Variants in ZFYVE9 observed in about 807,000 individuals in gnomAD.
ZFYVE9 encodes zinc finger FYVE domain-containing protein 9.
In ZFYVE9, 43 loss-of-function variants were observed where a neutral mutation model predicts 126.7. The ratio of observed to expected loss-of-function variants is 0.34; its 90% CI spans 0.27 to 0.44. The LOEUF is 0.44. Ranked by LOEUF, ZFYVE9 falls within the 20% of genes least tolerant of loss-of-function variation. The pLI is 1.00. For missense variants in ZFYVE9, 1,476 were observed against 1,697.0 expected (o/e 0.87, Z 2.29); for synonymous variants, 521 against 597.4 (o/e 0.87, Z 1.87).
intron 10 of ZFYVE9, 58 bp from the exon 11 acceptor site, chr1:52,293,395 A>AAAAAG (rs1645943000): frequency 2.0e-5 from 27 of 1,318,884 alleles, no homozygotes; most frequent in African/African-American, 1.1e-4. Context: ...AAAAAAAAAA[A>AAAAAG]AAAGAAATAT....
Position 52,232,056 on chromosome 1 carries a change from C to T in ZFYVE9, c.-36-1115C>T, listed in dbSNP as rs12044017. On this transcript the variant is annotated intron_variant, in intron 2 of 18. Transcript: ENST00000287727. ...CTACCTTAGTAAGTCAAAGAAATTT[C>T]ATCACTTATTATATTTGACTTAAAG... 9.2e-3 allele frequency among the ~76,000 whole-genome samples: 1,403 copies of T among 152,234 alleles called. 63 individuals carry two copies. The East Asian group carries it at 0.12, about 13-fold the overall frequency.
chr1:52,196,497 T>C (rs1157215668), intron 1 of ZFYVE9, among the ~76,000 whole-genome samples: 5 of 151,676 alleles, frequency 3.3e-5, no homozygotes, highest in Non-Finnish European at 7.4e-5. Flanking sequence ...ATTAGCCAGG[T>C]GTGGTGGTGG....
intron 1 of ZFYVE9, among the ~76,000 whole-genome samples, chr1:52,212,952 A>T (rs531590816): frequency 1.1e-4 from 16 of 152,328 alleles, no homozygotes; most frequent in African/African-American, 3.6e-4. Flanking sequence ...TTTTCCTCTC[A>T]TGTATCTTGA....
At chr1:52,199,225 C>T (rs1053389657) in intron 1 of ZFYVE9, among the ~76,000 whole-genome samples, 9 of 152,178 alleles carry the variant, frequency 5.9e-5, no homozygotes, top group East Asian at 3.9e-4. Context: ...CCACTACGCC[C>T]GGCTAATTTT....
At chr1:52,188,057 C>A (rs977308354) in intron 1 of ZFYVE9, among the ~76,000 whole-genome samples, 1 of 152,158 alleles carries the variant, frequency 6.6e-6, no homozygotes, top group Non-Finnish European at 1.5e-5. Flanking sequence ...TTCACAATAG[C>A]AAAGACATGG....
chr1:52,149,104 C>CA (rs1290306877), intron 1 of ZFYVE9, among the ~76,000 whole-genome samples: 2 of 151,488 alleles, frequency 1.3e-5, no homozygotes, highest in Non-Finnish European at 2.9e-5. Context: ...GCTGTTACTA[C>CA]AGGCGCCTGT....
At chr1:52,171,844 GTTGT>G (rs1477322468) in intron 1 of ZFYVE9, among the ~76,000 whole-genome samples, 12 of 152,118 alleles carry the variant, frequency 7.9e-5, no homozygotes, top group South Asian at 2.1e-4. Flanking sequence ...TTTTGATGGG[GTTGT>G]TTGTTTTTTT....
chr1:52,200,965 C>T (rs1175132957), intron 1 of ZFYVE9, among the ~76,000 whole-genome samples: 1 of 152,128 alleles, frequency 6.6e-6, no homozygotes, highest in Non-Finnish European at 1.5e-5. Flanking sequence ...GTTGGTTATT[C>T]TGGGTCTTTC....
chr1:52,312,023 T>G (rs1646141714), intron 13 of ZFYVE9, among the ~76,000 whole-genome samples: 1 of 152,156 alleles, frequency 6.6e-6, no homozygotes, highest in Non-Finnish European at 1.5e-5. Context: ...ACTCCTGACC[T>G]TAGGTGATCT....
rs1355342372 is a variant in ZFYVE9, at chr1:52,237,598, G to A, written c.181G>A (p.Val61Ile). The change falls in exon 4 of 19, where the codon GTT becomes ATT. Residue 61 changes from valine to isoleucine, a missense_variant. This residue lies in a region of ZFYVE9 where 807 missense variants were observed against 794.6 expected (regional missense o/e 1.02). Coordinates refer to ENST00000287727, the MANE Select transcript of ZFYVE9 (RefSeq NM_004799.4). ...TTTGGCCAGTGTGAATGAATCTGCA[G>A]TTTCTAATGAGTCACAACCACAACT... ...PTLASVNESA[V>I]SNESQPQLKV... 6.2e-7 allele frequency: 1 copy of A among 1,613,932 alleles called. No homozygotes were observed. Among genetic ancestry groups the A allele is most frequent in the Non-Finnish European group, 8.5e-7 (1 of 1,179,954 alleles).
intron 1 of ZFYVE9, among the ~76,000 whole-genome samples, chr1:52,186,657 T>TA (rs1336608112): frequency 2.6e-5 from 4 of 152,170 alleles, no homozygotes; most frequent in Non-Finnish European, 5.9e-5. Context: ...CTAGCATTCC[T>TA]AGACACTGAC....
At position 52,346,236 on chromosome 1, in the gene ZFYVE9, A is replaced by T; in HGVS notation, c.*15A>T. 6.4e-7 allele frequency: 1 copy of T among 1,563,912 alleles called. No individual in the cohort carries two copies. Among genetic ancestry groups the T allele is most frequent in the Non-Finnish European group, 8.7e-7 (1 of 1,149,604 alleles). On this transcript the variant is annotated 3_prime_UTR_variant, in exon 19 of 19. Coordinates refer to ENST00000287727, the MANE Select transcript of ZFYVE9 (RefSeq NM_004799.4). ...ACATCGTATAAACAGAGAAGACTTC[A>T]TTTTTTTCTGTTCAGACTTGTTGCA...
intron 1 of ZFYVE9, among the ~76,000 whole-genome samples, chr1:52,152,022 T>C (rs908237933): frequency 6.6e-6 from 1 of 151,408 alleles, no homozygotes; most frequent in African/African-American, 2.4e-5. Flanking sequence ...GGAGTTTTGC[T>C]CTTGTTACCC....
chr1:52,201,784 T>G (rs1274468756), intron 1 of ZFYVE9, among the ~76,000 whole-genome samples: 1 of 151,532 alleles, frequency 6.6e-6, no homozygotes, highest in African/African-American at 2.4e-5. Context: ...TTTTATGTAT[T>G]TATTTATTTA....
At chr1:52,148,761 C>A (rs1644327150) in intron 1 of ZFYVE9, among the ~76,000 whole-genome samples, 1 of 151,036 alleles carries the variant, frequency 6.6e-6, no homozygotes, top group Admixed American at 6.6e-5. Context: ...CCTGCCTCAA[C>A]CTCCCTGGTA....
At chr1:52,190,886 C>T (rs1042731473) in intron 1 of ZFYVE9, among the ~76,000 whole-genome samples, 1 of 152,124 alleles carries the variant, frequency 6.6e-6, no homozygotes, top group African/African-American at 2.4e-5. Context: ...CTATATCTGG[C>T]TTGACAGGAA....
intron 1 of ZFYVE9, among the ~76,000 whole-genome samples, chr1:52,187,608 TGA>T (rs928635874): frequency 6.6e-6 from 1 of 152,158 alleles, no homozygotes; most frequent in African/African-American, 2.4e-5. Context: ...AACAAATTTA[TGA>T]GAGAAAAACA....
chr1:52,172,580 A>G (rs942395300), intron 1 of ZFYVE9, among the ~76,000 whole-genome samples: 2 of 152,150 alleles, frequency 1.3e-5, no homozygotes, highest in African/African-American at 4.8e-5. Flanking sequence ...GAATCTATAA[A>G]TTACCTTGGG....
intron 1 of ZFYVE9, among the ~76,000 whole-genome samples, chr1:52,159,185 T>C (rs1254755169): frequency 6.6e-6 from 1 of 152,212 alleles, no homozygotes; most frequent in Non-Finnish European, 1.5e-5. Flanking sequence ...AAGTCACAAC[T>C]TGCGTGTTAA....
Sources: gnomAD v4.1 joint callset for allele counts (sites outside exome capture counted in the v4.1 genomes callset) on GRCh38, gnomAD v4.1.1 for gene constraint, gnomAD v4.1.1 regional missense constraint, MANE v1.5 for transcripts, NCBI Gene and HGNC (gene_info 2026-07-23, HGNC 2026-07-21) for gene names.